The following CMYA5 variants were observed in gnomAD, a reference collection of about 807,000 sequenced individuals.
The protein encoded by CMYA5 is cardiomyopathy-associated protein 5.
A neutral mutation model predicts 318.9 loss-of-function variants in CMYA5; 246 were observed. The observed-to-expected ratio is 0.77, with a 90% CI of 0.70 to 0.86. The LOEUF (loss-of-function observed/expected upper bound fraction) is 0.86. CMYA5 is among the 40% of genes least tolerant of loss of function. The probability of loss-of-function intolerance (pLI) is 0.00; values close to 1 mark genes in which losing one functional copy is unlikely to be tolerated. For missense variants in CMYA5, 4,589 were observed against 4,678.2 expected (o/e 0.98, Z 0.56); for synonymous variants, 1,641 against 1,729.5 (o/e 0.95, Z 1.27).
intron 5 of CMYA5, among the ~76,000 whole-genome samples, chr5:79,751,943 G>A (rs945824637): frequency 5.9e-5 from 9 of 152,166 alleles, no homozygotes; most frequent in African/African-American, 2.2e-4. Context: ...CAAGTGCAGT[G>A]GGTCTGCTGG....
At position 79,735,953 on chromosome 5, in the gene CMYA5, A is replaced by G; in HGVS notation, c.7188A>G (p.Ala2396=). 2 of 1,612,134 alleles carry G rather than the reference A, an allele frequency of 1.2e-6. No homozygotes were observed. Among genetic ancestry groups the G allele is most frequent in the East Asian group, 4.5e-5 (2 of 44,858 alleles). Residue 2396 remains alanine (A), a synonymous_variant, in exon 2 of 13, where the codon GCA becomes GCG. Coordinates refer to ENST00000446378, the MANE Select transcript of CMYA5 (RefSeq NM_153610.5). ...CAAAATCAGCTTCCTCCAACTTTGC[A>G]AGTAAAAATATCACAAAGGAATCAG... The part of the protein sequence containing the change: ...QQPKSASSNF[A]SKNITKESEK...
At chr5:79,705,067 T>C (rs1827245605) in intron 1 of CMYA5, among the ~76,000 whole-genome samples, 1 of 151,868 alleles carries the variant, frequency 6.6e-6, no homozygotes, top group Non-Finnish European at 1.5e-5. Flanking sequence ...AGTCAGGAGT[T>C]CGAGACCAGC....
At chr5:79,707,224 G>A (rs569096683) in intron 1 of CMYA5, among the ~76,000 whole-genome samples, 124 of 152,246 alleles carry the variant, frequency 8.1e-4, no homozygotes, top group African/African-American at 2.8e-3. Context: ...CAGGAATGAT[G>A]CACCTGCAGC....
At chr5:79,695,501 C>A (rs1827049985) in intron 1 of CMYA5, among the ~76,000 whole-genome samples, 1 of 152,200 alleles carries the variant, frequency 6.6e-6, no homozygotes, top group African/African-American at 2.4e-5. Flanking sequence ...CCTGCCTAAC[C>A]ACATTTCGAG....
Position 79,729,062 on chromosome 5 carries a change from A to G in CMYA5, c.297A>G (p.Glu99=), listed in dbSNP as rs764972526. ...GATCTTCTACTCCTTGGGCTTCAGA[A>G]GAAAGTCAGACTTCTGGTGTGTGTA... ...SSRSSTPWAS[E]ESQTSGVCSR... The change falls in exon 2 of 13, where the codon GAA becomes GAG. Residue 99 remains glutamate (E), a synonymous_variant. Transcript: ENST00000446378. 2 of 1,613,858 alleles carry G rather than the reference A, an allele frequency of 1.2e-6. No homozygotes were observed.
At position 79,735,245 on chromosome 5, in the gene CMYA5, G is replaced by A; in HGVS notation, c.6480G>A (p.Lys2160=). ...EVTQNPPTQP[K]VAKPDLPEEK... ...CACAAAATCCACCTACACAACCAAAGGTGGCTAAGCCGGACCTTCCTGAGG... is the reference window on the plus strand; with the variant it reads ...CACAAAATCCACCTACACAACCAAAAGTGGCTAAGCCGGACCTTCCTGAGG... The change falls in exon 2 of 13, where the codon AAG becomes AAA. Residue 2160 remains lysine (K), a synonymous_variant. Transcript: ENST00000446378. The A allele has an allele frequency of 6.2e-7, 1 of 1,613,840 alleles. No individual in the cohort carries two copies. Among genetic ancestry groups the A allele is most frequent in the Non-Finnish European group, 8.5e-7 (1 of 1,179,810 alleles).
rs369777192 is a variant in CMYA5, at chr5:79,735,256, C to T, written c.6491C>T (p.Pro2164Leu). ...NPPTQPKVAKPDLPEEKGKKG... is the reference protein window; with the variant it reads ...NPPTQPKVAKLDLPEEKGKKG... ...CCTACACAACCAAAGGTGGCTAAGC[C>T]GGACCTTCCTGAGGAAAAGGGAAAG... The change falls in exon 2 of 13, where the codon CCG becomes CTG. Residue 2164 changes from proline to leucine, a missense_variant. Around this residue, in one of 3 missense-constraint regions of CMYA5, gnomAD observed 2,431 missense variants for 2,495.1 expected, o/e 0.97. Coordinates refer to ENST00000446378, the MANE Select transcript of CMYA5 (RefSeq NM_153610.5). The T allele has an allele frequency of 3.9e-5, 63 of 1,613,802 alleles. No individual in the cohort carries two copies. The African/African-American group carries it at 4.3e-4, about 11-fold the overall frequency.
intron 9 of CMYA5, among the ~76,000 whole-genome samples, chr5:79,769,965 C>T (rs10474592): frequency 0.11 from 16,532 of 152,282 alleles, 1,184 homozygotes; most frequent in East Asian, 0.31. Context: ...AAGCCCCTGA[C>T]TGGGGCTGCT....
At chr5:79,746,731 T>C (rs1023447262) in intron 4 of CMYA5, among the ~76,000 whole-genome samples, 3 of 152,300 alleles carry the variant, frequency 2.0e-5, no homozygotes, top group Admixed American at 2.0e-4. Flanking sequence ...AATTCTATTC[T>C]GGAAGCTAAG....
At chr5:79,724,625 A>G (rs1257806277) in intron 1 of CMYA5, among the ~76,000 whole-genome samples, 1 of 152,226 alleles carries the variant, frequency 6.6e-6, no homozygotes, top group Non-Finnish European at 1.5e-5. Flanking sequence ...CTTTGTGAGA[A>G]TGCAGTCAGA....
chr5:79,718,563 G>C (rs1827563413), intron 1 of CMYA5, among the ~76,000 whole-genome samples: 1 of 152,062 alleles, frequency 6.6e-6, no homozygotes, highest in African/African-American at 2.4e-5. Context: ...TTGCTTGAGA[G>C]AATAAAGCAT....
At position 79,733,540 on chromosome 5, in the gene CMYA5, A is replaced by G; in HGVS notation, c.4775A>G (p.Asn1592Ser). 6.2e-7 allele frequency: 1 copy of G among 1,613,944 alleles called. No homozygotes were observed. The highest frequency in any genetic ancestry group is 1.3e-5 in the African/African-American group (1 of 75,056). The change falls in exon 2 of 13, where the codon AAC becomes AGC. Residue 1592 changes from asparagine to serine, a missense_variant. Physicochemically the swap from Asn to Ser is conservative, Grantham distance 46 (BLOSUM62 1). Transcript: ENST00000446378. ...TTACTGCTCCTCAGTGATGATAAGAACAAACCGGCAGTGGAGGTATCTTCT... is the reference window on the plus strand; with the variant it reads ...TTACTGCTCCTCAGTGATGATAAGAGCAAACCGGCAGTGGAGGTATCTTCT... ...PTLLLLSDDK[N>S]KPAVEVSSTA...
At chr5:79,787,527 G>A (rs1277982762) in intron 9 of CMYA5, among the ~76,000 whole-genome samples, 1 of 152,152 alleles carries the variant, frequency 6.6e-6, no homozygotes, top group Non-Finnish European at 1.5e-5. Flanking sequence ...AGCCTAATTA[G>A]TTGTCAGTGG....
At chr5:79,792,668 C>A (rs1330283470) in intron 11 of CMYA5, among the ~76,000 whole-genome samples, 3 of 152,174 alleles carry the variant, frequency 2.0e-5, no homozygotes, top group Admixed American at 6.5e-5. Context: ...ATTAACACTG[C>A]TTAAATTAAA....
At chr5:79,758,486 C>T (rs1367035939) in intron 6 of CMYA5, among the ~76,000 whole-genome samples, 3 of 147,328 alleles carry the variant, frequency 2.0e-5, no homozygotes, top group African/African-American at 7.5e-5. Context: ...GAGCCGAGAT[C>T]GTGCCACTGC....
At chr5:79,744,943 A>C (rs1194783678) in intron 3 of CMYA5, among the ~76,000 whole-genome samples, 1 of 152,234 alleles carries the variant, frequency 6.6e-6, no homozygotes, top group African/African-American at 2.4e-5. Flanking sequence ...GTGTGAGTGC[A>C]GGTGGGCAAG....
intron 2 of CMYA5, among the ~76,000 whole-genome samples, chr5:79,742,814 C>A (rs1040242152): frequency 6.6e-6 from 1 of 150,726 alleles, no homozygotes; most frequent in African/African-American, 2.4e-5. Context: ...TACAATGTTG[C>A]GAAAGCCCAA....
chr5:79,726,909 ATTTT>A (rs34198193), intron 1 of CMYA5, among the ~76,000 whole-genome samples: 5 of 96,038 alleles, frequency 5.2e-5, no homozygotes, highest in Non-Finnish European at 7.6e-5. Context: ...TAGGCCAGTG[ATTTT>A]TTTTTTTTTT....
At chr5:79,753,713 T>G (rs959283931) in intron 6 of CMYA5, among the ~76,000 whole-genome samples, 4 of 133,744 alleles carry the variant, frequency 3.0e-5, no homozygotes, top group African/African-American at 1.1e-4. Context: ...CTAAAAAGGC[T>G]ACTGTATGTC....
Sources: gnomAD v4.1 joint callset for allele counts (sites outside exome capture counted in the v4.1 genomes callset) on GRCh38, gnomAD v4.1.1 for gene constraint, gnomAD v4.1.1 regional missense constraint, MANE v1.5 for transcripts, NCBI Gene and HGNC (gene_info 2026-07-23, HGNC 2026-07-21) for gene names.